NCOA3: variants seen among roughly 807,000 people sequenced by gnomAD.
The protein encoded by NCOA3 is nuclear receptor coactivator 3.
In NCOA3, 51 loss-of-function variants were observed where a neutral mutation model predicts 158.8. The ratio of observed to expected loss-of-function variants is 0.32; its 90% CI spans 0.26 to 0.41. The LOEUF (loss-of-function observed/expected upper bound fraction) is 0.41. Ranked by LOEUF, NCOA3 falls within the 10% of genes least tolerant of loss-of-function variation. The probability of loss-of-function intolerance (pLI) is 1.00; values close to 1 mark genes in which losing one functional copy is unlikely to be tolerated. For synonymous variants in NCOA3, 537 were observed against 592.4 expected, an observed-to-expected ratio of 0.91 and a Z score of 1.36; for missense variants, 1,510 against 1,746.6, an observed-to-expected ratio of 0.86 and a Z score of 2.41.
chr20:47,627,447 T>C (rs2086340891), intron 6 of NCOA3, 114 bp from the exon 7 acceptor site: 1 of 824,428 alleles, frequency 1.2e-6, no homozygotes, highest in East Asian at 2.5e-5. Context: ...AATGTTAGTA[T>C]AGATATAACT....
intron 1 of NCOA3, among the ~76,000 whole-genome samples, chr20:47,552,140 T>C (rs974783152): frequency 6.6e-6 from 1 of 152,242 alleles, no homozygotes; most frequent in Non-Finnish European, 1.5e-5. Context: ...ACTCAGTTGA[T>C]AAAATGAAGT....
At chr20:47,616,959 T>G (rs2086149575) in intron 2 of NCOA3, among the ~76,000 whole-genome samples, 1 of 152,066 alleles carries the variant, frequency 6.6e-6, no homozygotes, top group Non-Finnish European at 1.5e-5. Flanking sequence ...TAGACTGTTC[T>G]TTTTTTTCTT....
intron 1 of NCOA3, among the ~76,000 whole-genome samples, chr20:47,579,434 A>G (rs1344013641): frequency 6.6e-6 from 1 of 152,208 alleles, no homozygotes; most frequent in Non-Finnish European, 1.5e-5. Flanking sequence ...ATTGATGAAA[A>G]TCTGAATTGT....
chr20:47,572,702 A>G (rs540136456), intron 1 of NCOA3, among the ~76,000 whole-genome samples: 8 of 151,898 alleles, frequency 5.3e-5, no homozygotes, highest in African/African-American at 1.7e-4. Flanking sequence ...AGACCCAGCA[A>G]ATTTTTATAT....
intron 2 of NCOA3, among the ~76,000 whole-genome samples, chr20:47,596,482 G>A (rs2085758253): frequency 1.3e-5 from 2 of 152,040 alleles, no homozygotes; most frequent in South Asian, 2.1e-4. Context: ...TTTGTATCTC[G>A]TTTAAAATAT....
intron 13 of NCOA3, among the ~76,000 whole-genome samples, 173 bp from the exon 14 acceptor site, chr20:47,638,835 G>T: frequency 6.6e-6 from 1 of 151,848 alleles, no homozygotes; most frequent in Admixed American, 6.6e-5. Context: ...AGGGGGGCGG[G>T]GGGTGGCGGT....
At chr20:47,596,040 A>G (rs886730308) in intron 2 of NCOA3, among the ~76,000 whole-genome samples, 7 of 152,212 alleles carry the variant, frequency 4.6e-5, no homozygotes, top group African/African-American at 1.7e-4. Context: ...TATTTGAATT[A>G]TGAAGTATAC....
At chr20:47,631,048 G>A (rs1568739785) in intron 8 of NCOA3, 2 of 152,196 alleles carry the variant, frequency 1.3e-5, no homozygotes, top group Non-Finnish European at 2.9e-5. Context: ...AAAGATTACT[G>A]AGGATGTCCA....
chr20:47,523,302 A>C (rs549133123), intron 1 of NCOA3, among the ~76,000 whole-genome samples: 4 of 152,294 alleles, frequency 2.6e-5, no homozygotes, highest in African/African-American at 9.6e-5. Context: ...CTTTCTGGCT[A>C]CTTCCTGCTG....
At chr20:47,567,508 C>T (rs139494692) in intron 1 of NCOA3, among the ~76,000 whole-genome samples, 2,167 of 151,954 alleles carry the variant, frequency 0.014, 40 homozygotes, top group African/African-American at 0.05. Flanking sequence ...CTCAAGTGAT[C>T]CTCTCACCTC....
chr20:47,597,020 C>T (rs2085767715), intron 2 of NCOA3, among the ~76,000 whole-genome samples: 1 of 152,074 alleles, frequency 6.6e-6, no homozygotes, highest in South Asian at 2.1e-4. Flanking sequence ...TACTTGATTT[C>T]AAAAAACCAA....
At chr20:47,613,817 AG>A (rs1207888299) in intron 2 of NCOA3, among the ~76,000 whole-genome samples, 2 of 151,978 alleles carry the variant, frequency 1.3e-5, no homozygotes, top group East Asian at 3.8e-4. Context: ...AGGCTGAGGC[AG>A]GAGAATCGCT....
At chr20:47,641,954 G>A (rs374812896) in intron 16 of NCOA3, among the ~76,000 whole-genome samples, 4 of 152,012 alleles carry the variant, frequency 2.6e-5, no homozygotes, top group African/African-American at 9.7e-5. Context: ...AAATGCCTAG[G>A]GTTTGGCAAT....
At chr20:47,621,519 T>G (rs906472716) in intron 2 of NCOA3, among the ~76,000 whole-genome samples, 2 of 152,180 alleles carry the variant, frequency 1.3e-5, no homozygotes, top group African/African-American at 4.8e-5. Context: ...AACAAGAGTT[T>G]AGTACAGATA....
At chr20:47,609,289 G>A (rs1285301975) in intron 2 of NCOA3, among the ~76,000 whole-genome samples, 2 of 152,082 alleles carry the variant, frequency 1.3e-5, no homozygotes, top group Non-Finnish European at 2.9e-5. Context: ...GATGACACCC[G>A]ATATGTTGAA....
intron 2 of NCOA3, among the ~76,000 whole-genome samples, chr20:47,613,898 T>C (rs2086086881): frequency 6.7e-6 from 1 of 149,332 alleles, no homozygotes; most frequent in South Asian, 2.1e-4. Flanking sequence ...AGAGCAAGAC[T>C]CTGTCTTAAA....
intron 1 of NCOA3, among the ~76,000 whole-genome samples, chr20:47,564,946 C>T (rs1053756848): frequency 6.6e-6 from 1 of 151,938 alleles, no homozygotes; most frequent in Non-Finnish European, 1.5e-5. Flanking sequence ...TTTGTTTATA[C>T]ACCAGAGATG....
chr20:47,634,920 CT>C (rs66801245), intron 10 of NCOA3, among the ~76,000 whole-genome samples: 28,480 of 119,926 alleles, frequency 0.24, 3,197 homozygotes, highest in Non-Finnish European at 0.26. Flanking sequence ...TTCTCTTCTT[CT>C]TTTTTTTTTT....
At chr20:47,580,633 C>T (rs2085438201) in intron 1 of NCOA3, among the ~76,000 whole-genome samples, 1 of 151,692 alleles carries the variant, frequency 6.6e-6, no homozygotes, top group Admixed American at 6.6e-5. Flanking sequence ...CACCCCATGA[C>T]CCTCCTTCGT....
Sources: gnomAD v4.1 joint callset for allele counts (sites outside exome capture counted in the v4.1 genomes callset) on GRCh38, gnomAD v4.1.1 for gene constraint, MANE v1.5 for transcripts, NCBI Gene and HGNC (gene_info 2026-07-23, HGNC 2026-07-21) for gene names.